The following PJA2 variants were observed in gnomAD, a reference collection of about 807,000 sequenced individuals.
PJA2 encodes the protein E3 ubiquitin-protein ligase Praja-2.
A neutral mutation model predicts 69.3 loss-of-function variants in PJA2; 25 were observed. The observed-to-expected ratio is 0.36, with a 90% CI of 0.26 to 0.50. PJA2 has a LOEUF of 0.50. PJA2 is among the 20% of genes least tolerant of loss of function. The pLI, the probability that PJA2 is intolerant of heterozygous loss-of-function variation, is 0.96. For missense variants in PJA2, 809 were observed against 830.2 expected (o/e 0.97, Z 0.31); for synonymous variants, 308 against 277.8 (o/e 1.11, Z -1.08).
chr5:109,342,829 T>G (rs1582581420), intron 9 of PJA2, among the ~76,000 whole-genome samples: 2 of 47,272 alleles, frequency 4.2e-5, no homozygotes, highest in Non-Finnish European at 3.9e-5. Flanking sequence ...GGGAGGGAGG[T>G]TGGGGGGTCA....
intron 7 of PJA2, among the ~76,000 whole-genome samples, chr5:109,351,254 AC>A (rs1057039070): frequency 9.9e-5 from 15 of 151,780 alleles, no homozygotes; most frequent in Non-Finnish European, 1.8e-4. Flanking sequence ...TAGGTGAACA[AC>A]GTTTTTCAAC....
rs925354754 is a variant in PJA2, at chr5:109,336,055, A to T, written c.*1176T>A. The T allele has an allele frequency of 1.3e-5, 2 of 152,646 alleles. No homozygotes were observed. Among genetic ancestry groups the T allele is most frequent in the African/African-American group, 2.4e-5 (1 of 41,462 alleles). 9.5% of individuals were successfully genotyped at this position (152,646 alleles called of 1,614,324 possible). A position where few individuals can be genotyped will look rare whatever the true frequency, so the allele number is the denominator to read the frequency against. The stretch of plus-strand genomic sequence containing the variant: ...TATAAATACTCAGAGAAATACACGA[A>T]TAAGATGTAACTCTGCATTTGGGAA... On this transcript the variant is annotated 3_prime_UTR_variant, in exon 10 of 10. Coordinates refer to ENST00000361189, the MANE Select transcript of PJA2 (RefSeq NM_014819.5).
At chr5:109,347,721 C>T (rs181210615) in intron 7 of PJA2, among the ~76,000 whole-genome samples, 1 of 152,358 alleles carries the variant, frequency 6.6e-6, no homozygotes, top group East Asian at 1.9e-4. Context: ...AGGTCTGGCT[C>T]TCAGCCTTAG....
intron 9 of PJA2, 26 bp from the exon 10 acceptor site, chr5:109,337,382 C>A: frequency 6.4e-7 from 1 of 1,560,410 alleles, no homozygotes; most frequent in African/African-American, 1.4e-5. Context: ...ATGTTAAGAG[C>A]CACCAGAATC....
chr5:109,344,122 AT>A, intron 9 of PJA2, 67 bp downstream of exon 9: 2 of 658,774 alleles, frequency 3.0e-6, no homozygotes, highest in Non-Finnish European at 2.3e-6. Context: ...AAAAAAAAAG[AT>A]ACTATTATTC....
intron 7 of PJA2, among the ~76,000 whole-genome samples, chr5:109,352,502 T>C (rs777785496): frequency 2.0e-5 from 3 of 152,124 alleles, no homozygotes; most frequent in Non-Finnish European, 4.4e-5. Context: ...TACCATTATT[T>C]CTTATGTGTC....
At chr5:109,396,415 T>C (rs962153195) in intron 1 of PJA2, among the ~76,000 whole-genome samples, 1 of 145,538 alleles carries the variant, frequency 6.9e-6, no homozygotes, top group Non-Finnish European at 1.5e-5. Flanking sequence ...ACTTAACATG[T>C]AAAGTTCTTT....
chr5:109,361,066 T>C (rs549264809), intron 6 of PJA2, among the ~76,000 whole-genome samples: 26 of 151,228 alleles, frequency 1.7e-4, no homozygotes, highest in African/African-American at 6.1e-4. Flanking sequence ...AGGCAGAAGT[T>C]GCAGTGAGCC....
chr5:109,354,390 C>CTAGAGATATCTATAGATTCGATATCTA (rs1762364539), intron 7 of PJA2, among the ~76,000 whole-genome samples: 1 of 74,898 alleles, frequency 1.3e-5, no homozygotes, highest in Admixed American at 1.3e-4. Context: ...TTAGATATCT[C>CTAGAGATATCTATAGATTCGATATCTA]TGATATCTAG....
At chr5:109,341,760 C>T (rs1762066261) in intron 9 of PJA2, among the ~76,000 whole-genome samples, 1 of 71,962 alleles carries the variant, frequency 1.4e-5, no homozygotes, top group East Asian at 3.2e-4. Flanking sequence ...CCAGCCGCCC[C>T]GTCCGGGAGG....
intron 1 of PJA2, among the ~76,000 whole-genome samples, chr5:109,388,263 A>C (rs1410936045): frequency 6.6e-6 from 1 of 152,152 alleles, no homozygotes; most frequent in Non-Finnish European, 1.5e-5. Flanking sequence ...CACAAAAACT[A>C]AGGTCTTCCG....
chr5:109,359,927 G>A (rs1762481478), intron 6 of PJA2, among the ~76,000 whole-genome samples: 1 of 151,972 alleles, frequency 6.6e-6, no homozygotes, highest in South Asian at 2.1e-4. Context: ...TAAAGAAAGG[G>A]ACATCATGCC....
At chr5:109,386,698 A>G (rs938323661) in intron 1 of PJA2, among the ~76,000 whole-genome samples, 1 of 152,060 alleles carries the variant, frequency 6.6e-6, no homozygotes, top group Non-Finnish European at 1.5e-5. Context: ...TTCAACAAGT[A>G]TATGTTGGAG....
intron 6 of PJA2, among the ~76,000 whole-genome samples, chr5:109,358,123 C>CATGTTCATG (rs1762445402): frequency 6.6e-6 from 1 of 152,214 alleles, no homozygotes; most frequent in African/African-American, 2.4e-5. Flanking sequence ...AGCACTATGA[C>CATGTTCATG]ATGTTCATGA....
chr5:109,401,464 A>T (rs1747545393), intron 1 of PJA2, among the ~76,000 whole-genome samples: 1 of 152,220 alleles, frequency 6.6e-6, no homozygotes, highest in Admixed American at 6.5e-5. Context: ...GTCTCAAAAA[A>T]AAACAACAAA....
Position 109,383,405 on chromosome 5 carries a change from G to T in PJA2, c.29C>A (p.Ala10Glu). 1 of 1,613,090 alleles carries T rather than the reference G, an allele frequency of 6.2e-7. No homozygotes were observed. Among genetic ancestry groups the T allele is most frequent in the Non-Finnish European group, 8.5e-7 (1 of 1,179,362 alleles). The part of the protein sequence containing the change: MSQYTEKEP[A>E]AMDQESGKAV... The stretch of plus-strand genomic sequence containing the variant: ...GTAGAAGAACTGACTTTCCTTACCT[G>T]CTGGCTCCTTTTCAGTGTACTGTGA... Residue 10 changes from alanine (A) to glutamate (E), a missense_variant and splice_region_variant, in exon 2 of 10, where the codon GCA becomes GAA. Ala to Glu is a moderately radical substitution (Grantham distance 107, BLOSUM62 -1). Transcript: ENST00000361189.
intron 1 of PJA2, among the ~76,000 whole-genome samples, chr5:109,397,591 TCAC>T (rs1440142715): frequency 6.6e-6 from 1 of 152,004 alleles, no homozygotes; most frequent in East Asian, 1.9e-4. Flanking sequence ...CGATCTTGGC[TCAC>T]TGCAACCTCT....
intron 1 of PJA2, among the ~76,000 whole-genome samples, chr5:109,396,706 T>A (rs546066078): frequency 1.5e-5 from 2 of 130,324 alleles, no homozygotes; most frequent in South Asian, 4.9e-4. Flanking sequence ...ATTACGGGGA[T>A]GAGCACCGCA....
chr5:109,370,135 C>G (rs1316212296), intron 4 of PJA2, among the ~76,000 whole-genome samples: 1 of 151,608 alleles, frequency 6.6e-6, no homozygotes, highest in Non-Finnish European at 1.5e-5. Context: ...AGAATTAGTC[C>G]TCTTATGCTA....
Sources: allele counts gnomAD v4.1 joint callset (sites outside exome capture counted in the v4.1 genomes callset), GRCh38; gene constraint gnomAD v4.1.1; transcripts MANE v1.5; gene names NCBI Gene and HGNC (gene_info 2026-07-23, HGNC 2026-07-21).